Variants in CYP19A1 observed in about 807,000 individuals in gnomAD.
CYP19A1 encodes aromatase.
A neutral mutation model predicts 44.4 loss-of-function variants in CYP19A1; 32 were observed. That is an observed-to-expected ratio of 0.72 (90% CI 0.54 to 0.97). The LOEUF (loss-of-function observed/expected upper bound fraction) is 0.97, where lower values mean the gene tolerates loss of function less well. CYP19A1 is among the 50% of genes least tolerant of loss of function. CYP19A1 has a pLI of 0.00. For missense variants in CYP19A1, 598 were observed against 637.8 expected, an observed-to-expected ratio of 0.94 and a Z score of 0.67; for synonymous variants, 212 against 215.6, an observed-to-expected ratio of 0.98 and a Z score of 0.14.
At chr15:51,303,597 G>A (rs183295527) in intron 1 of CYP19A1, among the ~76,000 whole-genome samples, 20 of 152,054 alleles carry the variant, frequency 1.3e-4, no homozygotes, top group African/African-American at 2.4e-5. Flanking sequence ...GTGTCCATCT[G>A]GGTTTTGAGG....
rs532572294 is a variant in CYP19A1 at position 51,248,707 on chromosome 15, A to G, written c.-38-5757T>C. Among the ~76,000 whole-genome samples the G allele has an allele frequency of 6.2e-4, 94 of 152,242 alleles. 1 individual carries two copies. The South Asian group carries it at 0.019, about 31-fold the overall frequency. On this transcript the variant is annotated intron_variant, in intron 1 of 9. Transcript: ENST00000396402. ...CTTCTAGAACAGTGTCCAGGCCTTC[A>G]TACGTGCTTGTTACAAACCTGTTGC...
intron 8 of CYP19A1, 22 bp downstream of exon 8, chr15:51,215,048 T>C (rs2031427486): frequency 1.2e-6 from 2 of 1,602,612 alleles, no homozygotes; most frequent in East Asian, 2.3e-5. Context: ...TAAGATGTAT[T>C]ATTTATTTGA....
At position 51,222,513 on chromosome 15, in the gene CYP19A1, G is replaced by A. The variant is rs547693207; in HGVS notation, c.464C>T (p.Pro155Leu). ...GACTGTGACCATACGAACAAGGCCGGGGCCTGACAGAGCTGCAGAGTACAC... is the reference window on the plus strand; with the variant it reads ...GACTGTGACCATACGAACAAGGCCGAGGCCTGACAGAGCTGCAGAGTACAC... The part of the protein sequence containing the change: ...RPFFMKALSG[P>L]GLVRMVTVCA... The change falls in exon 5 of 10, where the codon CCC becomes CTC. Residue 155 changes from proline (P) to leucine (L), a missense_variant. Physicochemically the swap from Pro to Leu is moderately conservative, Grantham distance 98. Coordinates refer to ENST00000396402, the MANE Select transcript of CYP19A1 (RefSeq NM_000103.4). 6.2e-7 allele frequency: 1 copy of A among 1,613,416 alleles called. No homozygotes were observed. Among genetic ancestry groups the A allele is most frequent in the Non-Finnish European group, 8.5e-7 (1 of 1,179,676 alleles).
At chr15:51,251,761 C>T (rs1295653216) in intron 1 of CYP19A1, among the ~76,000 whole-genome samples, 1 of 152,198 alleles carries the variant, frequency 6.6e-6, no homozygotes, top group Non-Finnish European at 1.5e-5. Flanking sequence ...ATAGCAGCAG[C>T]ACTGCTGGCC....
At chr15:51,308,794 G>A (rs1017887945) in intron 1 of CYP19A1, among the ~76,000 whole-genome samples, 3 of 152,064 alleles carry the variant, frequency 2.0e-5, no homozygotes, top group Admixed American at 2.0e-4. Flanking sequence ...CGGTCTCCTC[G>A]TCTACCACAC....
At chr15:51,240,049 C>T (rs867208998) in intron 2 of CYP19A1, among the ~76,000 whole-genome samples, 502 of 47,628 alleles carry the variant, frequency 0.011, 3 homozygotes, top group African/African-American at 0.043. Flanking sequence ...AAGCTTCCAA[C>T]CCCGCCCCCC....
At chr15:51,216,615 A>T (rs534197828) in intron 6 of CYP19A1, among the ~76,000 whole-genome samples, 1 of 152,284 alleles carries the variant, frequency 6.6e-6, no homozygotes, top group East Asian at 1.9e-4. Flanking sequence ...CCTGTTCTAA[A>T]CAGTAAACTC....
chr15:51,231,998 A>G (rs2033074043), intron 3 of CYP19A1, among the ~76,000 whole-genome samples: 2 of 152,092 alleles, frequency 1.3e-5, no homozygotes, highest in Non-Finnish European at 2.9e-5. Context: ...TTTCTCTTCC[A>G]TCAACAATCA....
At chr15:51,281,082 G>A (rs2140971997) in intron 1 of CYP19A1, among the ~76,000 whole-genome samples, 1 of 152,314 alleles carries the variant, frequency 6.6e-6, no homozygotes, top group South Asian at 2.1e-4. Flanking sequence ...ATTGCCTACT[G>A]CCCAGCTGCT....
chr15:51,325,256 C>G (rs1346676511), intron 1 of CYP19A1, among the ~76,000 whole-genome samples: 2 of 152,086 alleles, frequency 1.3e-5, no homozygotes, highest in African/African-American at 4.8e-5. Context: ...TATAGTGGAT[C>G]TGAATGGCAA....
chr15:51,292,233 T>C (rs981665374), intron 1 of CYP19A1, among the ~76,000 whole-genome samples: 1 of 152,182 alleles, frequency 6.6e-6, no homozygotes, highest in African/African-American at 2.4e-5. Context: ...AGAGAAATCA[T>C]CTCCAACTAG....
At chr15:51,256,197 C>G (rs1249045631) in intron 1 of CYP19A1, among the ~76,000 whole-genome samples, 1 of 152,224 alleles carries the variant, frequency 6.6e-6, no homozygotes, top group Non-Finnish European at 1.5e-5. Context: ...TTCAACACCA[C>G]CCCCTCTACC....
intron 1 of CYP19A1, chr15:51,319,079 C>T (rs929181113): frequency 9.2e-5 from 14 of 152,188 alleles, no homozygotes; most frequent in Admixed American, 3.3e-4. Context: ...CCTCAGTTGT[C>T]GTCAGCCCAC....
intron 1 of CYP19A1, among the ~76,000 whole-genome samples, chr15:51,262,142 C>G (rs186418323): frequency 1.3e-5 from 2 of 152,242 alleles, no homozygotes; most frequent in African/African-American, 2.4e-5. Context: ...TCCTAAGCCA[C>G]AAACAATAGC....
intron 1 of CYP19A1, among the ~76,000 whole-genome samples, chr15:51,298,061 G>C (rs2036037189): frequency 6.6e-6 from 1 of 152,068 alleles, no homozygotes; most frequent in South Asian, 2.1e-4. Flanking sequence ...TCCAAGTCTG[G>C]CTCCCTGCCC....
chr15:51,232,853 A>G (rs945944568), intron 3 of CYP19A1, among the ~76,000 whole-genome samples: 3 of 152,224 alleles, frequency 2.0e-5, no homozygotes, highest in Non-Finnish European at 2.9e-5. Flanking sequence ...CTGCTGAAAC[A>G]TAAATGAGTC....
At chr15:51,233,214 T>A (rs574138247) in intron 3 of CYP19A1, among the ~76,000 whole-genome samples, 1 of 143,316 alleles carries the variant, frequency 7.0e-6, no homozygotes, top group Non-Finnish European at 1.6e-5. Context: ...TCTTTTTCTA[T>A]GTAACACCTA....
At chr15:51,257,076 G>A (rs1385696985) in intron 1 of CYP19A1, among the ~76,000 whole-genome samples, 2 of 152,350 alleles carry the variant, frequency 1.3e-5, no homozygotes, top group East Asian at 3.9e-4. Flanking sequence ...TGGCAAGGGT[G>A]CTTTAGGCAG....
intron 2 of CYP19A1, among the ~76,000 whole-genome samples, chr15:51,240,405 C>T (rs1049066008): frequency 1.3e-5 from 2 of 152,082 alleles, no homozygotes; most frequent in African/African-American, 2.4e-5. Context: ...AAAATGGGCA[C>T]GAAACTGCTT....
Sources: gnomAD v4.1 joint callset for allele counts (sites outside exome capture counted in the v4.1 genomes callset) on GRCh38, gnomAD v4.1.1 for gene constraint, MANE v1.5 for transcripts, NCBI Gene and HGNC (gene_info 2026-07-23, HGNC 2026-07-21) for gene names.